Variants in MCTP1 observed in about 807,000 individuals in gnomAD.
The protein encoded by MCTP1 is multiple C2 and transmembrane domain-containing protein 1.
Under a neutral mutation model 120.6 loss-of-function variants are expected in MCTP1, and 69 were observed. The ratio of observed to expected loss-of-function variants is 0.57; its 90% CI spans 0.47 to 0.70. MCTP1 has a LOEUF of 0.70. Among genes scored for constraint, MCTP1 ranks in the 30% least tolerant of loss-of-function variants. The pLI is 0.00. For synonymous variants in MCTP1, 529 were observed against 493.1 expected (o/e 1.07, Z -0.96); for missense variants, 1,203 against 1,248.8 (o/e 0.96, Z 0.55).
intron 2 of MCTP1, among the ~76,000 whole-genome samples, chr5:94,981,188 C>G (rs1829329979): frequency 6.6e-6 from 1 of 152,150 alleles, no homozygotes; most frequent in African/African-American, 2.4e-5. Context: ...CTTCAACTCT[C>G]TGGCAGGGTG....
intron 1 of MCTP1, among the ~76,000 whole-genome samples, chr5:95,247,019 C>T (rs1463463939): frequency 1.3e-5 from 2 of 152,094 alleles, no homozygotes; most frequent in East Asian, 1.9e-4. Context: ...TCCATTTGGT[C>T]CTAGACTTTT....
chr5:95,196,737 A>G (rs1750441203), intron 1 of MCTP1, among the ~76,000 whole-genome samples: 1 of 152,200 alleles, frequency 6.6e-6, no homozygotes, highest in South Asian at 2.1e-4. Flanking sequence ...GCAGGGGGAG[A>G]GTGTCCATCC....
chr5:95,264,843 T>G (rs1582694071), intron 1 of MCTP1, among the ~76,000 whole-genome samples: 1 of 152,070 alleles, frequency 6.6e-6, no homozygotes, highest in Non-Finnish European at 1.5e-5. Context: ...CTGAGAGAGA[T>G]GTCCAAAGCG....
chr5:94,741,407 C>G (rs568199794), intron 19 of MCTP1, among the ~76,000 whole-genome samples: 4 of 152,232 alleles, frequency 2.6e-5, no homozygotes, highest in Non-Finnish European at 5.9e-5. Flanking sequence ...AAGAGACCCT[C>G]TGGTTTCTAC....
chr5:95,258,499 A>G (rs1372590088), intron 1 of MCTP1, among the ~76,000 whole-genome samples: 4 of 152,230 alleles, frequency 2.6e-5, no homozygotes. Flanking sequence ...GTAATATAGT[A>G]TCTTAGATAG....
chr5:95,114,304 AGGTATT>A (rs1240515240), intron 1 of MCTP1, among the ~76,000 whole-genome samples: 1 of 152,242 alleles, frequency 6.6e-6, no homozygotes. Flanking sequence ...CTTGCACATT[AGGTATT>A]CGTTCAGCCA....
At chr5:94,758,035 G>GA (rs567318004) in intron 19 of MCTP1, among the ~76,000 whole-genome samples, 49 of 152,008 alleles carry the variant, frequency 3.2e-4, no homozygotes, top group African/African-American at 1.2e-3. Context: ...GGCCTCAAAA[G>GA]AAAAAAATGA....
At chr5:94,743,163 T>G (rs1191350189) in intron 19 of MCTP1, among the ~76,000 whole-genome samples, 1 of 145,904 alleles carries the variant, frequency 6.9e-6, no homozygotes, top group Non-Finnish European at 1.5e-5. Flanking sequence ...AAAAAAAATC[T>G]GGGGGATTAT....
At chr5:94,836,888 A>G (rs1789910991) in intron 17 of MCTP1, among the ~76,000 whole-genome samples, 1 of 152,242 alleles carries the variant, frequency 6.6e-6, no homozygotes, top group Non-Finnish European at 1.5e-5. Flanking sequence ...TTAATTGGGA[A>G]TATGTTCTGT....
chr5:94,941,847 C>A (rs76402567), intron 4 of MCTP1, among the ~76,000 whole-genome samples: 1 of 139,256 alleles, frequency 7.2e-6, no homozygotes, highest in Non-Finnish European at 1.6e-5. Flanking sequence ...GCAAATACAA[C>A]CAACCTGCCT....
chr5:95,221,488 T>C (rs192174233), intron 1 of MCTP1, among the ~76,000 whole-genome samples: 90 of 152,298 alleles, frequency 5.9e-4, no homozygotes, highest in African/African-American at 1.8e-3. Flanking sequence ...TGTCCTCTAC[T>C]TCCCATGGTG....
rs1582733116 is a variant in MCTP1, at chr5:95,284,090, G to A, written c.486C>T (p.Ala162=). 6.4e-7 allele frequency: 1 copy of A among 1,551,120 alleles called. No individual in the cohort carries two copies. The highest frequency in any genetic ancestry group is 8.7e-7 in the Non-Finnish European group (1 of 1,147,064). The change falls in exon 1 of 23, where the codon GCC becomes GCT. Residue 162 remains alanine, a synonymous_variant. Coordinates refer to ENST00000515393, the MANE Select transcript of MCTP1 (RefSeq NM_024717.7). This position sits in a 1 kb window ranked among gnomAD's most constrained non-coding sequence, Gnocchi z 5.2. ...GGGGCGAGGAGGACAGGGAGGATGA[G>A]GCGGAGGAAGAGGAAGGAGCTGAGT... The part of the protein sequence containing the change: ...SPDSAPSSSS[A]SSSLSSSPQP...
Position 94,707,505 on chromosome 5 carries a change from A to T in MCTP1, c.2991T>A (p.Asn997Lys), listed in dbSNP as rs1754950182. Residue 997 changes from asparagine (N) to lysine (K), a missense_variant, in exon 23 of 23, where the codon AAT becomes AAA. This residue lies in a region of MCTP1 where 740 missense variants were observed against 871.1 expected (regional missense o/e 0.85). Transcript: ENST00000515393. ...CAGTGCTGGGAGCTGGCTAGCCAAG[A>T]TTGTTTTTCTTTCTTTTATATGGGC... ...SHSPYKRKKN[N>K]LG 2 of 1,611,344 alleles carry T rather than the reference A, an allele frequency of 1.2e-6. No homozygotes were observed.
At chr5:94,980,964 A>T (rs554834915) in intron 2 of MCTP1, 1 of 152,262 alleles carries the variant, frequency 6.6e-6, no homozygotes, top group East Asian at 1.9e-4. Flanking sequence ...AAATGTTAAC[A>T]CCTACCATGT....
chr5:94,944,179 GATTT>G (rs1818395156), intron 3 of MCTP1, among the ~76,000 whole-genome samples: 1 of 152,078 alleles, frequency 6.6e-6, no homozygotes, highest in African/African-American at 2.4e-5. Flanking sequence ...GTCACATGGG[GATTT>G]ATTTAAGTAA....
intron 1 of MCTP1, among the ~76,000 whole-genome samples, chr5:95,108,627 T>C (rs939114383): frequency 1.3e-5 from 2 of 152,230 alleles, no homozygotes; most frequent in Admixed American, 1.3e-4. Flanking sequence ...CCATCTATTA[T>C]AAAGGAAAGC....
chr5:94,812,539 A>G (rs468301), intron 17 of MCTP1, among the ~76,000 whole-genome samples: 9,818 of 151,884 alleles, frequency 0.065, 407 homozygotes, highest in Non-Finnish European at 0.094. Context: ...TTTTCCAAAG[A>G]TAAATTCAGG....
chr5:94,783,187 C>A (rs1021807553), intron 18 of MCTP1, among the ~76,000 whole-genome samples: 26 of 152,048 alleles, frequency 1.7e-4, no homozygotes, highest in African/African-American at 5.6e-4. Context: ...ACATAGACAG[C>A]CCCAAATGCA....
intron 19 of MCTP1, among the ~76,000 whole-genome samples, chr5:94,773,051 A>AAGAG (rs1217120421): frequency 4.6e-5 from 7 of 152,182 alleles, no homozygotes; most frequent in Admixed American, 4.6e-4. Context: ...GCGGACTCAA[A>AAGAG]GTGAGTGGGC....
Sources: allele counts gnomAD v4.1 joint callset (sites outside exome capture counted in the v4.1 genomes callset), GRCh38; gene constraint gnomAD v4.1.1; regional missense constraint gnomAD v4.1.1; non-coding constraint Gnocchi (gnomAD v3.1); transcripts MANE v1.5; gene names NCBI Gene and HGNC (gene_info 2026-07-23, HGNC 2026-07-21).